TPGS2: variants seen among roughly 807,000 people sequenced by gnomAD.
TPGS2 encodes the protein polyglutamylase subunit 2.
In TPGS2, 26 loss-of-function variants were observed where a neutral mutation model predicts 31.1. The observed-to-expected ratio is 0.84, with a 90% CI of 0.61 to 1.16. The LOEUF is 1.16. Ranked by LOEUF, TPGS2 falls within the 50% of genes most tolerant of loss-of-function variation. The pLI is 0.00. For synonymous variants in TPGS2, 130 were observed against 136.6 expected (o/e 0.95, Z 0.34); for missense variants, 351 against 363.8 (o/e 0.96, Z 0.29).
intron 6 of TPGS2, chr18:36,783,279 A>G: frequency 2.6e-6 from 1 of 379,750 alleles, no homozygotes; most frequent in Non-Finnish European, 4.7e-6. Context: ...CAGGATGTTA[A>G]ATTTTTCTAA....
chr18:36,785,297 C>CA (rs58657430), intron 6 of TPGS2, among the ~76,000 whole-genome samples: 8 of 151,392 alleles, frequency 5.3e-5, no homozygotes, highest in African/African-American at 1.5e-4. Context: ...AACTCTGTCT[C>CA]AAAAAAAAAT....
At chr18:36,809,314 C>T (rs1228488207) in intron 2 of TPGS2, among the ~76,000 whole-genome samples, 2 of 152,146 alleles carry the variant, frequency 1.3e-5, no homozygotes, top group African/African-American at 2.4e-5. Context: ...TCTTCAGGAA[C>T]TATAGATAAA....
At chr18:36,788,161 T>A (rs1029912017) in intron 6 of TPGS2, among the ~76,000 whole-genome samples, 16 of 152,236 alleles carry the variant, frequency 1.1e-4, no homozygotes, top group African/African-American at 3.6e-4. Context: ...TTTAATGGCC[T>A]AAAAACATGG....
intron 3 of TPGS2, among the ~76,000 whole-genome samples, chr18:36,806,895 G>T (rs1173235496): frequency 2.2e-5 from 3 of 134,578 alleles, no homozygotes; most frequent in African/African-American, 8.7e-5. Context: ...CCTCTGACCA[G>T]CAGTGCAAGA....
chr18:36,820,187 C>G (rs2045835749), intron 1 of TPGS2, among the ~76,000 whole-genome samples: 1 of 152,188 alleles, frequency 6.6e-6, no homozygotes, highest in Non-Finnish European at 1.5e-5. Context: ...TATACATTTA[C>G]TAGTTGTATG....
intron 4 of TPGS2, among the ~76,000 whole-genome samples, chr18:36,803,748 C>CTCCT (rs2044960706): frequency 6.6e-6 from 1 of 152,104 alleles, no homozygotes. Context: ...AATACATATA[C>CTCCT]TCCTCTTCAA....
chr18:36,795,992 A>AAGTT lies in TPGS2; in HGVS notation c.*809_*812dup. The AAGTT allele has an allele frequency of 1.0e-6, 1 of 985,500 alleles. No homozygotes were observed. The highest frequency in any genetic ancestry group is 1.2e-6 in the Non-Finnish European group (1 of 829,942). The allele number at this position is 985,500 out of a possible 1,614,324, so 61.0% of individuals were successfully genotyped here. A position where few individuals can be genotyped will look rare whatever the true frequency, so the allele number is the denominator to read the frequency against. On this transcript the variant is annotated 3_prime_UTR_variant, in exon 7 of 7. Coordinates refer to ENST00000334295, the MANE Select transcript of TPGS2 (RefSeq NM_015476.4). The stretch of plus-strand genomic sequence containing the variant: ...ATAGCAGAAGTACACCTTCTTTAAA[A>AAGTT]AGTTAATAAGGAAGATAATTGTGGA...
chr18:36,789,339 G>C (rs1286880465), downstream of TPGS2: 1 of 152,146 alleles, frequency 6.6e-6, no homozygotes, highest in Non-Finnish European at 1.5e-5. Flanking sequence ...AAGGCTGCCT[G>C]GTGGAACGTT....
chr18:36,827,347 C>T (rs544490455), intron 1 of TPGS2, among the ~76,000 whole-genome samples: 4 of 152,216 alleles, frequency 2.6e-5, no homozygotes, highest in South Asian at 2.1e-4. Flanking sequence ...AGAAAGACGG[C>T]GGTTATTCGA....
intron 2 of TPGS2, among the ~76,000 whole-genome samples, chr18:36,811,745 C>T (rs1202697352): frequency 1.3e-5 from 2 of 152,130 alleles, no homozygotes; most frequent in South Asian, 2.1e-4. Flanking sequence ...CTGACTTTTG[C>T]GTTTTATCTA....
chr18:36,801,196 C>T (rs11660045), intron 4 of TPGS2, among the ~76,000 whole-genome samples: 1 of 152,096 alleles, frequency 6.6e-6, no homozygotes, highest in Non-Finnish European at 1.5e-5. Flanking sequence ...TCATTATATG[C>T]GACAGATTCC....
chr18:36,812,538 C>A (rs146899693), intron 2 of TPGS2, among the ~76,000 whole-genome samples: 28 of 152,292 alleles, frequency 1.8e-4, no homozygotes, highest in Middle Eastern at 3.4e-3. Context: ...GGAAGTTCCA[C>A]GCCCCTCCCA....
At chr18:36,819,336 T>C (rs995523472) in intron 1 of TPGS2, among the ~76,000 whole-genome samples, 1 of 152,212 alleles carries the variant, frequency 6.6e-6, no homozygotes, top group Non-Finnish European at 1.5e-5. Flanking sequence ...AAATAAAGAA[T>C]AGCAACCCAT....
rs755234020 is a variant in TPGS2, at chr18:36,796,844, AGAAGTGGAG to A, written c.855_863del (p.Ser286_Ser288del). ...GGTTTCCAGAGCCAGAGGAGGATTT[AGAAGTGGAG>A]GAAGTGGAGGGACCGGAGGGTCCTG... On this transcript the variant is annotated inframe_deletion, in exon 7 of 7. Coordinates refer to ENST00000334295, the MANE Select transcript of TPGS2 (RefSeq NM_015476.4). 3.4e-5 allele frequency: 54 copies of A among 1,606,788 alleles called. No homozygotes were observed. Among genetic ancestry groups the A allele is most frequent in the African/African-American group, 2.1e-4 (16 of 74,436 alleles).
intron 5 of TPGS2, 110 bp downstream of exon 5, chr18:36,800,088 G>A: frequency 2.2e-6 from 2 of 899,974 alleles, no homozygotes; most frequent in Non-Finnish European, 1.8e-6. Context: ...AGGAACCTGG[G>A]AGCATCTCAA....
rs1032730415 is a variant in TPGS2, at chr18:36,795,166, A to ATATC, written c.*1635_*1638dup. The stretch of plus-strand genomic sequence containing the variant: ...AGATATCGAAGGCGCTTTCTCATGA[A>ATATC]TATCTATCACTATTGTCAACAATCA... On this transcript the variant is annotated 3_prime_UTR_variant, in exon 7 of 7. Transcript: ENST00000334295. The ATATC allele has an allele frequency of 3.0e-6, 3 of 985,222 alleles. No homozygotes were observed. Among genetic ancestry groups the ATATC allele is most frequent in the Non-Finnish European group, 3.6e-6 (3 of 829,938 alleles). 61.0% of individuals were successfully genotyped at this position (985,222 alleles called of 1,614,324 possible).
intron 1 of TPGS2, among the ~76,000 whole-genome samples, chr18:36,822,313 G>GA (rs2045930040): frequency 6.6e-6 from 1 of 152,200 alleles, no homozygotes; most frequent in South Asian, 2.1e-4. Flanking sequence ...GAACACTTCA[G>GA]AAGCCTGTGC....
At chr18:36,826,817 G>A (rs546194862) in intron 1 of TPGS2, among the ~76,000 whole-genome samples, 19 of 152,244 alleles carry the variant, frequency 1.2e-4, no homozygotes, top group Admixed American at 7.8e-4. Context: ...GGGGAAAGCT[G>A]CCAGTCTTTC....
intron 4 of TPGS2, 145 bp from the exon 5 acceptor site, chr18:36,800,456 G>A: frequency 1.4e-6 from 1 of 694,818 alleles, no homozygotes; most frequent in Non-Finnish European, 2.5e-6. Flanking sequence ...AATAAATTCT[G>A]TATTTGAATT....
Sources: gnomAD v4.1 joint callset for allele counts (sites outside exome capture counted in the v4.1 genomes callset) on GRCh38, gnomAD v4.1.1 for gene constraint, MANE v1.5 for transcripts, NCBI Gene and HGNC (gene_info 2026-07-23, HGNC 2026-07-21) for gene names.